GNAS: variants seen among roughly 807,000 people sequenced by gnomAD.
GNAS encodes protein ALEX.
GNAS carries 8 observed loss-of-function variants against 54.5 expected under a neutral mutation model. The ratio of observed to expected loss-of-function variants is 0.15; its 90% confidence interval spans 0.09 to 0.26. GNAS has a LOEUF of 0.26. Ranked by LOEUF, GNAS falls within the 10% of genes least tolerant of loss-of-function variation. The probability of loss-of-function intolerance (pLI) is 1.00; values close to 1 mark genes in which losing one functional copy is unlikely to be tolerated. For missense variants in GNAS, 170 were observed against 529.8 expected (o/e 0.32, Z 6.67); for synonymous variants, 204 against 191.4 (o/e 1.07, Z -0.54).
chr20:58,862,336 T>C (rs974596231), intron 1 of GNAS, among the ~76,000 whole-genome samples: 1 of 151,668 alleles, frequency 6.6e-6, no homozygotes, highest in Non-Finnish European at 1.5e-5. Context: ...TTTTATATTT[T>C]TTAGTAGAGA....
chr20:58,908,968 T>A (rs1406960792), intron 6 of GNAS, 194 bp from the exon 7 acceptor site: 1 of 736,318 alleles, frequency 1.4e-6, no homozygotes, highest in African/African-American at 1.7e-5. Flanking sequence ...AAATCCTGTT[T>A]GCCCTAACCT....
In GNAS at chr20:58,909,616, C is replaced by T. The variant is rs1466898124; in HGVS notation, c.718+37C>T. 16 of 1,614,114 alleles carry T rather than the reference C, an allele frequency of 9.9e-6. No individual in the cohort carries two copies. Among genetic ancestry groups the T allele is most frequent in the Non-Finnish European group, 1.4e-5 (16 of 1,179,958 alleles). On this transcript the variant is annotated intron_variant, in intron 9 of 12. Transcript: ENST00000371085. This position sits in a 1 kb window ranked among gnomAD's most constrained non-coding sequence, Gnocchi z 7.3. The stretch of plus-strand genomic sequence containing the variant: ...TGGGCTTGGCTGTTCGTAAAGAACG[C>T]TTTGCTTCTGTGTTGTTAGGGATCA...
At chr20:58,895,202 G>A in intron 1 of GNAS, 1 of 315,156 alleles carries the variant, frequency 3.2e-6, no homozygotes, top group South Asian at 2.8e-5. Flanking sequence ...CAAATTATGT[G>A]TCTAGATATG....
At chr20:58,854,015 C>A (rs778939038) in intron 1 of GNAS, 2 of 1,611,500 alleles carry the variant, frequency 1.2e-6, no homozygotes, top group Non-Finnish European at 8.5e-7. Flanking sequence ...CACAAGTCGA[C>A]GGCAGCAGCC....
chr20:58,888,462 T>C (rs1299311360), upstream of GNAS: 2 of 152,234 alleles, frequency 1.3e-5, no homozygotes, highest in Non-Finnish European at 2.9e-5. Context: ...CACTGCTATA[T>C]CCTAGTGTGC....
At chr20:58,882,923 A>G (rs1315165033) in intron 1 of GNAS, 1 of 152,172 alleles carries the variant, frequency 6.6e-6, no homozygotes, top group Non-Finnish European at 1.5e-5. Flanking sequence ...TTACCTGCGC[A>G]GTACAGGTAC....
chr20:58,910,162 C>T lies in GNAS; in HGVS notation c.970+81C>T. 1.4e-6 allele frequency: 2 copies of T among 1,421,266 alleles called. No homozygotes were observed. The highest frequency in any genetic ancestry group is 1.1e-5 in the South Asian group (1 of 87,032). The allele number at this position is 1,421,266 out of a possible 1,614,324, so 88.0% of individuals were successfully genotyped here. A position where few individuals can be genotyped will look rare whatever the true frequency, so the allele number is the denominator to read the frequency against. ...GGTCAGGCTGAAAACCCCCATCCCC[C>T]TCCCACCACCAAACCATAAAGGATC... On this transcript the variant is annotated intron_variant, in intron 11 of 12. Coordinates refer to ENST00000371085, the MANE Select transcript of GNAS (RefSeq NM_000516.7). The surrounding 1 kb of genome is among the most constrained non-coding windows in gnomAD (Gnocchi z 5.8).
At chr20:58,901,875 C>CT (rs2090636114) in intron 3 of GNAS, among the ~76,000 whole-genome samples, 1 of 130,502 alleles carries the variant, frequency 7.7e-6, no homozygotes, top group African/African-American at 2.8e-5. Context: ...GACTGCCCTG[C>CT]CCTGCTCGTC....
chr20:58,864,341 T>TG (rs900952549), intron 1 of GNAS, among the ~76,000 whole-genome samples: 16 of 152,214 alleles, frequency 1.1e-4, no homozygotes, highest in East Asian at 7.7e-4. Flanking sequence ...TCGATTTTTT[T>TG]GGGGGGGCCT....
chr20:58,909,020 C>G lies in GNAS; in HGVS notation c.531-142C>G. The G allele has an allele frequency of 1.3e-6, 1 of 784,244 alleles. No homozygotes were observed. The highest frequency in any genetic ancestry group is 1.4e-5 in the South Asian group (1 of 74,000). The allele number at this position is 784,244 out of a possible 1,614,324, so 48.6% of individuals were successfully genotyped here. A position where few individuals can be genotyped will look rare whatever the true frequency, so the allele number is the denominator to read the frequency against. On this transcript the variant is annotated intron_variant, in intron 6 of 12. Transcript: ENST00000371085. The surrounding 1 kb of genome is among the most constrained non-coding windows in gnomAD (Gnocchi z 7.3). Reference sequence around the variant, plus strand: ...TTGAGTTACAAATGTAACCAACACACAAGCAAATGTGCCATTGACTTAGTG... The same window carrying G: ...TTGAGTTACAAATGTAACCAACACAGAAGCAAATGTGCCATTGACTTAGTG...
intron 1 of GNAS, chr20:58,852,850 G>C (rs918494656): frequency 3.6e-6 from 1 of 277,270 alleles, no homozygotes; most frequent in Non-Finnish European, 6.3e-6. Flanking sequence ...AGCCAGCTCG[G>C]CACTGGAACC....
Position 58,873,600 on chromosome 20 carries a change from T to C in GNAS, c.44-22012T>C, listed in dbSNP as rs2087604842. On this transcript the variant is annotated intron_variant, in intron 1 of 12. Coordinates refer to the GNAS transcript ENST00000306090. This position sits in a 1 kb window ranked among gnomAD's most constrained non-coding sequence, Gnocchi z 4.3. ...GCCTTACTCCTTTTTGTCTGTCTAG[T>C]AGCATCTCTAAGCTTGCAGTAGCTG... Among the ~76,000 whole-genome samples the C allele has an allele frequency of 6.6e-6, 1 of 152,208 alleles. No individual in the cohort carries two copies. The highest frequency in any genetic ancestry group is 2.1e-4 in the South Asian group (1 of 4,832).
rs1374717430 is a variant in GNAS at position 58,895,602 on chromosome 20, C to G, written c.140-10C>G. On this transcript the variant is annotated splice_polypyrimidine_tract_variant and intron_variant, in intron 1 of 12. Coordinates refer to ENST00000371085, the MANE Select transcript of GNAS (RefSeq NM_000516.7). ...TCCTTCATAACCTGAGACTTACTTT[C>G]ATTTTCTAGGTGCTGGAGAATCTGG... is the stretch of plus-strand genomic sequence containing the variant. 1 of 1,567,690 alleles carries G rather than the reference C, an allele frequency of 6.4e-7. No homozygotes were observed. The highest frequency in any genetic ancestry group is 8.8e-7 in the Non-Finnish European group (1 of 1,137,562).
intron 1 of GNAS, chr20:58,855,752 C>G: frequency 1.6e-6 from 1 of 619,154 alleles, no homozygotes; most frequent in East Asian, 2.7e-5. Context: ...CGCCCCGCCT[C>G]GCCTGGCACG....
intron 5 of GNAS, among the ~76,000 whole-genome samples, chr20:58,904,178 T>C (rs1417820943): frequency 1.3e-5 from 2 of 152,172 alleles, no homozygotes; most frequent in African/African-American, 2.4e-5. Flanking sequence ...AGGACAAAAC[T>C]GTATGTTAAA....
chr20:58,889,019 C>T (rs2088824261), upstream of GNAS: 1 of 978,614 alleles, frequency 1.0e-6, no homozygotes, highest in Non-Finnish European at 1.2e-6. Context: ...CCGGCCTGCA[C>T]CCCCAGGGTG....
chr20:58,901,143 A>T lies in GNAS; in HGVS notation c.257+2158A>T, dbSNP rs191392290. On this transcript the variant is annotated intron_variant, in intron 3 of 12. Coordinates refer to ENST00000371085, the MANE Select transcript of GNAS (RefSeq NM_000516.7). Reference sequence around the variant, plus strand: ...AAACCAAAGGTTAATAGCTTTCATTACCTGTGAAGTGGAGCCTGCTTTTAA... The same window carrying T: ...AAACCAAAGGTTAATAGCTTTCATTTCCTGTGAAGTGGAGCCTGCTTTTAA... 1.9e-3 allele frequency among the ~76,000 whole-genome samples: 287 copies of T among 152,342 alleles called. 3 individuals are homozygous for T. The highest frequency in any genetic ancestry group is 6.7e-3 in the African/African-American group (279 of 41,578).
At chr20:58,845,660 G>C (rs1263496645) in intron 1 of GNAS, among the ~76,000 whole-genome samples, 9 of 152,070 alleles carry the variant, frequency 5.9e-5, no homozygotes, top group Admixed American at 5.9e-4. Context: ...TTTTTTACTG[G>C]TATTTGTTTT....
chr20:58,876,161 C>CA (rs2087800493), intron 1 of GNAS, among the ~76,000 whole-genome samples: 1 of 152,142 alleles, frequency 6.6e-6, no homozygotes, highest in Non-Finnish European at 1.5e-5. Flanking sequence ...TATAGAAACC[C>CA]AAAAGCCTGC....
Sources: gnomAD v4.1 joint callset for allele counts (sites outside exome capture counted in the v4.1 genomes callset) on GRCh38, gnomAD v4.1.1 for gene constraint, Gnocchi (gnomAD v3.1) non-coding constraint, MANE v1.5 for transcripts, NCBI Gene and HGNC (gene_info 2026-07-23, HGNC 2026-07-21) for gene names.